Variants in PKD2 observed in about 807,000 individuals in gnomAD.
PKD2 encodes polycystin 2, transient receptor potential cation channel, also known as polycystin-2.
A neutral mutation model predicts 105.9 loss-of-function variants in PKD2; 48 were observed. That is an observed-to-expected ratio of 0.45 (90% CI 0.36 to 0.58). The LOEUF (loss-of-function observed/expected upper bound fraction) is 0.58. PKD2 is among the 20% of genes least tolerant of loss of function. PKD2 has a pLI of 0.00. For missense variants in PKD2, 1,078 were observed against 1,255.3 expected, an observed-to-expected ratio of 0.86 and a Z score of 2.13; for synonymous variants, 464 against 481.1, an observed-to-expected ratio of 0.96 and a Z score of 0.46.
At chr4:88,057,675 C>T (rs1471710851) in intron 8 of PKD2, among the ~76,000 whole-genome samples, 1 of 152,054 alleles carries the variant, frequency 6.6e-6, no homozygotes, top group Non-Finnish European at 1.5e-5. Context: ...ACCTCGTGAT[C>T]CGCCCGCCTC....
intron 4 of PKD2, among the ~76,000 whole-genome samples, chr4:88,039,922 A>T (rs1236963837): frequency 6.6e-6 from 1 of 152,086 alleles, no homozygotes; most frequent in Non-Finnish European, 1.5e-5. Context: ...TTGCTTTCTA[A>T]TGTGCCTTTT....
At chr4:88,066,195 G>A (rs1419258253) in intron 12 of PKD2, among the ~76,000 whole-genome samples, 1 of 152,090 alleles carries the variant, frequency 6.6e-6, no homozygotes, top group Non-Finnish European at 1.5e-5. Context: ...TTAAGATTGG[G>A]CTACAAATTG....
At position 88,038,509 on chromosome 4, in the gene PKD2, T is replaced by A; in HGVS notation, c.1094+8T>A. 6.2e-7 allele frequency: 1 copy of A among 1,613,462 alleles called. No homozygotes were observed. The highest frequency in any genetic ancestry group is 8.5e-7 in the Non-Finnish European group (1 of 1,179,390). ...GCCCCGAAATGGAACCGCGTAAGTG[T>A]CTGTGACTCATTGCCACTCGGTGAT... On this transcript the variant is annotated splice_region_variant and intron_variant, in intron 4 of 14. Transcript: ENST00000237596.
At position 88,029,639 on chromosome 4, in the gene PKD2, C is replaced by A. The variant is rs1034390735; in HGVS notation, c.710-6581C>A. 3.3e-5 allele frequency among the ~76,000 whole-genome samples: 5 copies of A among 152,262 alleles called. No homozygotes were observed. In the East Asian group the frequency reaches 5.8e-4, roughly 18 times the overall value. ...CTATTTTAATCCTAATCATCTATTT[C>A]CTGACTTATTCATTCCTTAAGTTGG... On this transcript the variant is annotated intron_variant, in intron 2 of 14. Coordinates refer to ENST00000237596, the MANE Select transcript of PKD2 (RefSeq NM_000297.4).
At chr4:88,036,809 G>A (rs1022736296) in intron 3 of PKD2, among the ~76,000 whole-genome samples, 3 of 152,152 alleles carry the variant, frequency 2.0e-5, no homozygotes, top group African/African-American at 7.2e-5. Context: ...AGAATGTAAG[G>A]CCAATGAAGG....
intron 7 of PKD2, among the ~76,000 whole-genome samples, chr4:88,055,591 A>G (rs1027740754): frequency 6.6e-6 from 1 of 150,544 alleles, no homozygotes; most frequent in Non-Finnish European, 1.5e-5. Context: ...CTCCTGCCTC[A>G]GTCTTCCAAA....
intron 1 of PKD2, among the ~76,000 whole-genome samples, chr4:88,009,303 C>T (rs540202833): frequency 3.8e-4 from 58 of 152,316 alleles, no homozygotes; most frequent in Non-Finnish European, 6.3e-4. Flanking sequence ...AGTTTCCATT[C>T]TCAGTTGAGT....
chr4:88,051,984 T>C lies in PKD2; in HGVS notation c.1549-7T>C. On this transcript the variant is annotated splice_polypyrimidine_tract_variant and splice_region_variant and intron_variant, in intron 6 of 14. Transcript: ENST00000237596. Reference sequence around the variant, plus strand: ...CTGTAATAAAATATAAATATTTTGCTTTTCAGCTGTCAGTGGTAGCTATAG... The same window carrying C: ...CTGTAATAAAATATAAATATTTTGCCTTTCAGCTGTCAGTGGTAGCTATAG... 6.6e-7 allele frequency: 1 copy of C among 1,525,290 alleles called. No individual in the cohort carries two copies. 94.5% of individuals were successfully genotyped at this position (1,525,290 alleles called of 1,614,324 possible). A position where few individuals can be genotyped will look rare whatever the true frequency, so the allele number is the denominator to read the frequency against.
chr4:88,064,828 G>A lies in PKD2; in HGVS notation c.2119-546G>A, dbSNP rs139029422. On this transcript the variant is annotated intron_variant, in intron 10 of 14. Transcript: ENST00000237596. ...AATCACTTGAGCTCAGGAGGTCGAG[G>A]CTGCAGTGAGCCAGAATCACGCCAC... 7.1e-3 allele frequency among the ~76,000 whole-genome samples: 1,082 copies of A among 152,124 alleles called. 6 individuals are homozygous for A. The highest frequency in any genetic ancestry group is 0.025 in the African/African-American group (1,041 of 41,496).
intron 7 of PKD2, among the ~76,000 whole-genome samples, chr4:88,053,047 A>G (rs56101738): frequency 0.016 from 2,433 of 152,332 alleles, 28 homozygotes; most frequent in Non-Finnish European, 0.025. Flanking sequence ...GGAAATTTCA[A>G]TAATTCTCAG....
chr4:88,049,828 AAGT>A (rs1560615937), intron 6 of PKD2, among the ~76,000 whole-genome samples: 1 of 152,098 alleles, frequency 6.6e-6, no homozygotes, highest in Non-Finnish European at 1.5e-5. Flanking sequence ...ATATGTTCTG[AAGT>A]ACACAGGCTG....
intron 13 of PKD2, among the ~76,000 whole-genome samples, chr4:88,070,574 T>TTATATATATATA (rs57470805): frequency 1.8e-5 from 2 of 113,936 alleles, no homozygotes; most frequent in Admixed American, 9.9e-5. Flanking sequence ...TTTATTTATT[T>TTATATATATATA]TATATATATA....
chr4:88,055,638 C>T (rs1019599432), intron 7 of PKD2, among the ~76,000 whole-genome samples: 1 of 140,862 alleles, frequency 7.1e-6, no homozygotes, highest in Non-Finnish European at 1.6e-5. Flanking sequence ...TGCACTCAGC[C>T]TTTTTTTTTT....
At chr4:88,053,354 A>T (rs372139037) in intron 7 of PKD2, among the ~76,000 whole-genome samples, 100 of 152,252 alleles carry the variant, frequency 6.6e-4, no homozygotes, top group Admixed American at 2.2e-3. Context: ...AGAAGACCTG[A>T]GGTTTATCAC....
At chr4:88,028,072 G>A (rs989736974) in intron 2 of PKD2, among the ~76,000 whole-genome samples, 5 of 152,084 alleles carry the variant, frequency 3.3e-5, no homozygotes, top group Non-Finnish European at 2.9e-5. Context: ...ATGGAGAAAC[G>A]AACAACAAAA....
chr4:88,076,325 A>G lies in PKD2; in HGVS notation c.*631A>G, dbSNP rs1360999357. ...ATCTGATGTCTGTGGGACTAACTGTATCACTTAATTTTTACCTTATTTTGG... is the reference window on the plus strand; with the variant it reads ...ATCTGATGTCTGTGGGACTAACTGTGTCACTTAATTTTTACCTTATTTTGG... On this transcript the variant is annotated 3_prime_UTR_variant, in exon 15 of 15. Coordinates refer to ENST00000237596, the MANE Select transcript of PKD2 (RefSeq NM_000297.4). 6.5e-6 allele frequency: 1 copy of G among 152,682 alleles called. No individual in the cohort carries two copies. Among genetic ancestry groups the G allele is most frequent in the East Asian group, 1.9e-4 (1 of 5,210 alleles). The allele number at this position is 152,682 out of a possible 1,614,324, so 9.5% of individuals were successfully genotyped here. A position where few individuals can be genotyped will look rare whatever the true frequency, so the allele number is the denominator to read the frequency against.
chr4:88,033,366 G>A (rs577077269), intron 2 of PKD2, among the ~76,000 whole-genome samples: 1 of 151,772 alleles, frequency 6.6e-6, no homozygotes, highest in African/African-American at 2.4e-5. Context: ...GATTGAAGCT[G>A]CAGTGAGCTG....
In PKD2 at chr4:88,076,447, A is replaced by T. The variant is rs1721237846; in HGVS notation, c.*753A>T. On this transcript the variant is annotated 3_prime_UTR_variant, in exon 15 of 15. Transcript: ENST00000237596. ...CACAGGAGAATTGGAAGGAGCCCTA[A>T]GTTGTCACTCAGTTTAATTTCTTTT... 6.6e-6 allele frequency: 1 copy of T among 152,348 alleles called. No individual in the cohort carries two copies. Among genetic ancestry groups the T allele is most frequent in the East Asian group, 1.9e-4 (1 of 5,186 alleles). The allele number at this position is 152,348 out of a possible 1,614,324, so 9.4% of individuals were successfully genotyped here.
At chr4:88,050,806 G>T (rs1720058938) in intron 6 of PKD2, among the ~76,000 whole-genome samples, 1 of 151,914 alleles carries the variant, frequency 6.6e-6, no homozygotes, top group Non-Finnish European at 1.5e-5. Flanking sequence ...ATTGGCTCTG[G>T]AAATCCTTCA....
Sources: allele counts gnomAD v4.1 joint callset (sites outside exome capture counted in the v4.1 genomes callset), GRCh38; gene constraint gnomAD v4.1.1; transcripts MANE v1.5; gene names NCBI Gene and HGNC (gene_info 2026-07-23, HGNC 2026-07-21).